The following LBP variants were observed in gnomAD, a reference collection of about 807,000 sequenced individuals.
LBP encodes lipopolysaccharide-binding protein.
LBP carries 53 observed loss-of-function variants against 56.6 expected under a neutral mutation model. The observed-to-expected ratio is 0.94, with a 90% CI of 0.75 to 1.18. The LOEUF is 1.18. LBP is among the 50% of genes most tolerant of loss of function. The probability of loss-of-function intolerance (pLI) is 0.00; values close to 1 mark genes in which losing one functional copy is unlikely to be tolerated. For missense variants in LBP, 601 were observed against 598.3 expected, an observed-to-expected ratio of 1.00 and a Z score of -0.05; for synonymous variants, 227 against 247.5, an observed-to-expected ratio of 0.92 and a Z score of 0.78.
In LBP at chr20:38,370,787, G is replaced by C; in HGVS notation, c.1199G>C (p.Gly400Ala). 1 of 1,614,024 alleles carries C rather than the reference G, an allele frequency of 6.2e-7. No individual in the cohort carries two copies. Among genetic ancestry groups the C allele is most frequent in the Non-Finnish European group, 8.5e-7 (1 of 1,179,982 alleles). ...ACCTTCAATACCAGCAAGATCACTG[G>C]GTTCCTGAAGCCAGGAAAGTAAGTT... ...TLTFNTSKITGFLKPGKVKVE... is the reference protein window; with the variant it reads ...TLTFNTSKITAFLKPGKVKVE... Residue 400 changes from glycine (G) to alanine (A), a missense_variant, in exon 11 of 15, where the codon GGG (glycine) becomes GCG (alanine). Physicochemically the swap from Gly to Ala is moderately conservative, Grantham distance 60. Coordinates refer to ENST00000217407, the MANE Select transcript of LBP (RefSeq NM_004139.5).
rs1296565115 is a variant in LBP, at chr20:38,355,327, A to C, written c.525-19A>C. The stretch of plus-strand genomic sequence containing the variant: ...CGGCCATCCCCAAGTTCAGTGGCAG[A>C]CTGTGCTTCTCTCCCCAGGTGGCTG... On this transcript the variant is annotated intron_variant, in intron 4 of 14. Transcript: ENST00000217407. 7.4e-6 allele frequency: 12 copies of C among 1,613,108 alleles called. No individual in the cohort carries two copies. In the Admixed American group the frequency reaches 1.8e-4, roughly 25 times the overall value.
At chr20:38,348,352 T>C (rs946392818) in intron 1 of LBP, among the ~76,000 whole-genome samples, 42 of 152,080 alleles carry the variant, frequency 2.8e-4, no homozygotes, top group African/African-American at 9.7e-4. Flanking sequence ...CTCACTCTGT[T>C]GCCAGGCTGG....
At chr20:38,365,234 CAA>C (rs10627735) in intron 8 of LBP, among the ~76,000 whole-genome samples, 39 of 96,656 alleles carry the variant, frequency 4.0e-4, no homozygotes, top group East Asian at 1.5e-3. Flanking sequence ...GACCCTGTCT[CAA>C]AAAAAAAAAA....
intron 2 of LBP, 39 bp downstream of exon 2, chr20:38,349,701 G>T: frequency 2.1e-6 from 3 of 1,416,618 alleles, no homozygotes; most frequent in Non-Finnish European, 2.9e-6. Flanking sequence ...GAAGTGGCTG[G>T]AGCTGGCTGT....
intron 12 of LBP, among the ~76,000 whole-genome samples, chr20:38,372,408 A>G (rs986215773): frequency 2.1e-4 from 32 of 152,228 alleles, no homozygotes; most frequent in African/African-American, 7.5e-4. Context: ...GTGCACTCAT[A>G]TTGTATCTGT....
intron 13 of LBP, 34 bp downstream of exon 13, chr20:38,373,169 G>A (rs370025444): frequency 4.0e-5 from 62 of 1,555,188 alleles, no homozygotes; most frequent in East Asian, 1.8e-4. Context: ...CAAGTCAAAA[G>A]TGAACACTGC....
rs771440562 is a variant in LBP at position 38,360,776 on chromosome 20, C to A, written c.652+9C>A. 48 of 1,589,162 alleles carry A rather than the reference C, an allele frequency of 3.0e-5. No homozygotes were observed. Among genetic ancestry groups the A allele is most frequent in the Non-Finnish European group, 3.8e-5 (44 of 1,157,786 alleles). ...TCTCCAAACTCTGCCAGGTAGGACA[C>A]CCCATCCATCCCGGGACACTTTTAT... On this transcript the variant is annotated intron_variant, in intron 6 of 14. Transcript: ENST00000217407.
chr20:38,363,909 C>T (rs934119711), intron 6 of LBP, 66 bp from the exon 7 acceptor site: 38 of 1,169,518 alleles, frequency 3.2e-5, no homozygotes, highest in Non-Finnish European at 4.8e-5. Context: ...AGCCAGAGCC[C>T]TTGCCCCTCC....
At chr20:38,358,855 G>T (rs954439024) in intron 5 of LBP, among the ~76,000 whole-genome samples, 4 of 152,156 alleles carry the variant, frequency 2.6e-5, no homozygotes, top group Non-Finnish European at 4.4e-5. Flanking sequence ...TTAAAGTGAG[G>T]ACTTTCTCAT....
intron 5 of LBP, among the ~76,000 whole-genome samples, chr20:38,358,904 A>T (rs11536952): frequency 0.012 from 1,836 of 152,302 alleles, 12 homozygotes; most frequent in Non-Finnish European, 0.019. Flanking sequence ...ATGAACCCAA[A>T]TGTTTTAATG....
rs1739654 is a variant in LBP, at chr20:38,349,567, A to G, written c.144A>G (p.Leu48=). The G allele has an allele frequency of 0.94, 1,509,692 of 1,608,104 alleles. 710,426 individuals carry two copies. Among genetic ancestry groups the G allele is most frequent in the Non-Finnish European group, 0.96 (1,131,210 of 1,177,682 alleles). ...GLQYAAQEGL[L]ALQSELLRIT... is the part of the protein sequence containing the mutation. Reference sequence around the variant, plus strand: ...CCACAGCGGCCCAGGAGGGGCTATTAGCTCTGCAGAGTGAGCTGCTCAGGA... The same window carrying G: ...CCACAGCGGCCCAGGAGGGGCTATTGGCTCTGCAGAGTGAGCTGCTCAGGA... Residue 48 remains leucine (L), a synonymous_variant, in exon 2 of 15, where the codon TTA becomes TTG. Coordinates refer to ENST00000217407, the MANE Select transcript of LBP (RefSeq NM_004139.5).
chr20:38,354,231 G>A (rs2076830370), intron 3 of LBP, 53 bp from the exon 4 acceptor site: 15 of 1,514,970 alleles, frequency 9.9e-6, no homozygotes, highest in Middle Eastern at 1.7e-4. Context: ...CCCCACAAAT[G>A]GTGGCAGACC....
Position 38,365,234 on chromosome 20 carries a change from CAAAAA to C in LBP, c.921+497_921+501del, listed in dbSNP as rs10627735. On this transcript the variant is annotated intron_variant, in intron 8 of 14. Coordinates refer to ENST00000217407, the MANE Select transcript of LBP (RefSeq NM_004139.5). Reference sequence around the variant, plus strand: ...TGAGCAACAGAGTGAGACCCTGTCTCAAAAAAAAAAAAAAAAAAAGCTCTTCCTCC... The same window carrying C: ...TGAGCAACAGAGTGAGACCCTGTCTCAAAAAAAAAAAAAAGCTCTTCCTCC... 4.1e-5 allele frequency among the ~76,000 whole-genome samples: 4 copies of C among 96,672 alleles called. 1 individual carries two copies. The highest frequency in any genetic ancestry group is 7.9e-5 in the Non-Finnish European group (4 of 50,412). 63.4% of individuals were successfully genotyped at this position (96,672 alleles called of 152,430 possible).
At chr20:38,357,429 TC>T (rs1232270078) in intron 5 of LBP, among the ~76,000 whole-genome samples, 1 of 152,010 alleles carries the variant, frequency 6.6e-6, no homozygotes, top group African/African-American at 2.4e-5. Context: ...CCTTTCTAAT[TC>T]CCCACTCAGG....
In LBP at chr20:38,348,544, C is replaced by T. The variant is rs148840294; in HGVS notation, c.125-1004C>T. On this transcript the variant is annotated intron_variant, in intron 1 of 14. Coordinates refer to ENST00000217407, the MANE Select transcript of LBP (RefSeq NM_004139.5). The stretch of plus-strand genomic sequence containing the variant: ...GCCAGGATGGTCTCGATGATCCACC[C>T]GCCTCGGCCTCCCAAAGTGCTGGGA... 6.3e-3 allele frequency among the ~76,000 whole-genome samples: 966 copies of T among 152,224 alleles called. 5 individuals are homozygous for T. The highest frequency in any genetic ancestry group is 0.021 in the African/African-American group (884 of 41,548).
chr20:38,362,756 C>G (rs544719804), intron 6 of LBP, among the ~76,000 whole-genome samples: 1 of 151,778 alleles, frequency 6.6e-6, no homozygotes, highest in African/African-American at 2.4e-5. Context: ...AAGGCCAGCC[C>G]GGGCAACATA....
chr20:38,350,646 C>T (rs5741814), intron 2 of LBP, among the ~76,000 whole-genome samples, 165 bp from the exon 3 acceptor site: 20,250 of 152,256 alleles, frequency 0.13, 1,653 homozygotes, highest in Middle Eastern at 0.26. Context: ...AAGAAAGTAA[C>T]GTGCTTAGCA....
At chr20:38,368,605 A>G (rs1319432559) in intron 9 of LBP, among the ~76,000 whole-genome samples, 1 of 152,184 alleles carries the variant, frequency 6.6e-6, no homozygotes, top group African/African-American at 2.4e-5. Flanking sequence ...ATCTCAAAAA[A>G]CAAAACAAAA....
intron 7 of LBP, 64 bp from the exon 8 acceptor site, chr20:38,364,512 A>G (rs987005047): frequency 1.1e-5 from 16 of 1,488,728 alleles, no homozygotes; most frequent in African/African-American, 1.4e-5. Context: ...GTGTAGGGGA[A>G]TACCTAGCCC....
Sources: gnomAD v4.1 joint callset for allele counts (sites outside exome capture counted in the v4.1 genomes callset) on GRCh38, gnomAD v4.1.1 for gene constraint, MANE v1.5 for transcripts, NCBI Gene and HGNC (gene_info 2026-07-23, HGNC 2026-07-21) for gene names.